Variants in ZNF93 observed in about 807,000 individuals in gnomAD.
The protein encoded by ZNF93 is zinc finger protein 93.
Under a neutral mutation model 45.0 loss-of-function variants are expected in ZNF93, and 29 were observed. The observed-to-expected ratio is 0.64, with a 90% CI of 0.48 to 0.88. The LOEUF (loss-of-function observed/expected upper bound fraction) is 0.88. Among genes scored for constraint, ZNF93 ranks in the 40% least tolerant of loss-of-function variants. The probability of loss-of-function intolerance (pLI) is 0.00; values close to 1 mark genes in which losing one functional copy is unlikely to be tolerated. For missense variants in ZNF93, 578 were observed against 724.0 expected (o/e 0.80, Z 2.31); for synonymous variants, 223 against 244.6 (o/e 0.91, Z 0.82).
rs1327918434 is a variant in ZNF93 at position 19,901,084 on chromosome 19, T to C, written c.-5T>C. On this transcript the variant is annotated 5_prime_UTR_variant, in exon 1 of 4. Coordinates refer to ENST00000343769, the MANE Select transcript of ZNF93 (RefSeq NM_031218.4). ...TAAGACACCAGGACCCCTGGAAGCC[T>C]AGAAATGGTGAGAGTGCCGGTCCGA... is the stretch of plus-strand genomic sequence containing the variant. 1.2e-6 allele frequency: 2 copies of C among 1,613,168 alleles called. No individual in the cohort carries two copies. Among genetic ancestry groups the C allele is most frequent in the Non-Finnish European group, 1.7e-6 (2 of 1,179,588 alleles).
intron 1 of ZNF93, among the ~76,000 whole-genome samples, chr19:19,909,833 C>T (rs1038159580): frequency 6.6e-6 from 1 of 152,222 alleles, no homozygotes; most frequent in African/African-American, 2.4e-5. Flanking sequence ...CCCATACTTG[C>T]GCAGCAAAAT....
chr19:19,921,800 A>G (rs1407236059), intron 3 of ZNF93, among the ~76,000 whole-genome samples: 1 of 151,654 alleles, frequency 6.6e-6, no homozygotes, highest in Non-Finnish European at 1.5e-5. Context: ...TGCTTGGTAG[A>G]TCTTCCTCCA....
At chr19:19,924,293 G>A (rs2063350192) in intron 3 of ZNF93, among the ~76,000 whole-genome samples, 1 of 152,100 alleles carries the variant, frequency 6.6e-6, no homozygotes, top group Admixed American at 6.6e-5. Flanking sequence ...GTTTCACCAT[G>A]TTGGTAAGGC....
chr19:19,923,016 T>A (rs2063346209), intron 3 of ZNF93, among the ~76,000 whole-genome samples: 1 of 152,180 alleles, frequency 6.6e-6, no homozygotes, highest in African/African-American at 2.4e-5. Context: ...GCACTCTGAT[T>A]TTTATAATTT....
At chr19:19,915,429 A>G in intron 2 of ZNF93, 23 bp downstream of exon 2, 1 of 1,605,832 alleles carries the variant, frequency 6.2e-7, no homozygotes, top group Non-Finnish European at 8.5e-7. Context: ...TTAATACATA[A>G]TTCATAATAC....
chr19:19,930,766 CAACT>C (rs1347865863), intron 3 of ZNF93, among the ~76,000 whole-genome samples: 1 of 152,030 alleles, frequency 6.6e-6, no homozygotes, highest in African/African-American at 2.4e-5. Flanking sequence ...TAATTGCTAC[CAACT>C]AATGATTAAT....
rs760412805 is a variant in ZNF93 at position 19,916,625 on chromosome 19, A to C, written c.196A>C (p.Lys66Gln). Residue 66 changes from lysine to glutamine, a missense_variant, in exon 3 of 4, where the codon AAG becomes CAG. Transcript: ENST00000343769. ...LEQGKKPLTM[K>Q]RHEMVANPSV... ...GCAAGGAAAAAAACCTTTGACTATG[A>C]AGAGACATGAGATGGTAGCCAACCC... 35 of 1,612,042 alleles carry C rather than the reference A, an allele frequency of 2.2e-5. No homozygotes were observed. The highest frequency in any genetic ancestry group is 2.5e-5 in the Non-Finnish European group (29 of 1,179,320).
chr19:19,906,333 T>C (rs569939809), intron 1 of ZNF93, among the ~76,000 whole-genome samples: 1 of 152,356 alleles, frequency 6.6e-6, no homozygotes, highest in East Asian at 1.9e-4. Flanking sequence ...TATGCCTGCT[T>C]TTGAAAAGCA....
At chr19:19,924,901 G>A (rs564135465) in intron 3 of ZNF93, among the ~76,000 whole-genome samples, 15 of 152,286 alleles carry the variant, frequency 9.8e-5, no homozygotes, top group Admixed American at 8.5e-4. Context: ...CAACTGTGTG[G>A]ATTTCTATGT....
chr19:19,912,370 T>C (rs2063311230), intron 1 of ZNF93, among the ~76,000 whole-genome samples: 1 of 152,206 alleles, frequency 6.6e-6, no homozygotes, highest in African/African-American at 2.4e-5. Flanking sequence ...CCCTGGAGTA[T>C]TGCCTCACAG....
rs547514711 is a variant in ZNF93, at chr19:19,929,710, G to T, written c.227-3472G>T. Among the ~76,000 whole-genome samples, 9 of 151,768 alleles carry T rather than the reference G, an allele frequency of 5.9e-5. No homozygotes were observed. In the East Asian group the frequency reaches 1.8e-3, roughly 30 times the overall value. On this transcript the variant is annotated intron_variant, in intron 3 of 3. Coordinates refer to ENST00000343769, the MANE Select transcript of ZNF93 (RefSeq NM_031218.4). ...TCCCAGCACTTTGGGAGGCCGAGGC[G>T]GGCGGATCACGAGGTCAGGAGATCG... is the stretch of plus-strand genomic sequence containing the variant.
rs1401153403 is a variant in ZNF93 at position 19,933,263 on chromosome 19, A to G, written c.308A>G (p.Tyr103Cys). The G allele has an allele frequency of 6.2e-7, 1 of 1,611,938 alleles. No homozygotes were observed. Among genetic ancestry groups the G allele is most frequent in the African/African-American group, 1.3e-5 (1 of 74,870 alleles). Residue 103 changes from tyrosine to cysteine, a missense_variant, in exon 4 of 4, where the codon TAT becomes TGT. Tyr to Cys is a radical substitution (Grantham distance 194). This residue lies in a region of ZNF93 where 446 missense variants were observed against 547.6 expected (regional missense o/e 0.81). Transcript: ENST00000343769. ...TTCCAAAAAGTGATACTGAGAAGATATGAAAAACGTGGACATGGAAATTTA... is the reference window on the plus strand; with the variant it reads ...TTCCAAAAAGTGATACTGAGAAGATGTGAAAAACGTGGACATGGAAATTTA... Reference protein sequence around the residue: ...DSFQKVILRRYEKRGHGNLQL... With the variant: ...DSFQKVILRRCEKRGHGNLQL...
chr19:19,925,414 T>C (rs1182517896), intron 3 of ZNF93, among the ~76,000 whole-genome samples: 2 of 152,198 alleles, frequency 1.3e-5, no homozygotes, highest in African/African-American at 4.8e-5. Context: ...CCTGGTTTTC[T>C]CATAAAGGCA....
chr19:19,911,505 T>C (rs961172867), intron 1 of ZNF93, among the ~76,000 whole-genome samples: 9 of 152,156 alleles, frequency 5.9e-5, no homozygotes, highest in African/African-American at 2.2e-4. Context: ...GAGACCCAGA[T>C]AGATAAACTA....
intron 1 of ZNF93, chr19:19,914,847 A>G (rs1599568329): frequency 4.5e-5 from 16 of 354,446 alleles, no homozygotes; most frequent in Middle Eastern, 9.7e-4. Context: ...AATTCAAAAA[A>G]TCAGACTTCA....
At chr19:19,906,152 G>A (rs917193279) in intron 1 of ZNF93, among the ~76,000 whole-genome samples, 9 of 151,556 alleles carry the variant, frequency 5.9e-5, no homozygotes, top group African/African-American at 2.0e-4. Flanking sequence ...CACCAGCGGA[G>A]TATAAGCATC....
chr19:19,908,417 C>T (rs1279940883), intron 1 of ZNF93: 1 of 152,184 alleles, frequency 6.6e-6, no homozygotes, highest in African/African-American at 2.4e-5. Flanking sequence ...TCATGTTTCT[C>T]ATACTGAGAG....
intron 1 of ZNF93, among the ~76,000 whole-genome samples, chr19:19,911,792 T>C (rs2063309308): frequency 2.0e-5 from 3 of 151,914 alleles, no homozygotes; most frequent in Admixed American, 2.0e-4. Context: ...CTCTGTCACC[T>C]GGTCTGGCTT....
At chr19:19,924,211 C>T (rs1282987462) in intron 3 of ZNF93, among the ~76,000 whole-genome samples, 4 of 152,058 alleles carry the variant, frequency 2.6e-5, no homozygotes. Flanking sequence ...CCTCAGCCTC[C>T]AGAGTAGCTT....
Sources: allele counts gnomAD v4.1 joint callset (sites outside exome capture counted in the v4.1 genomes callset), GRCh38; gene constraint gnomAD v4.1.1; regional missense constraint gnomAD v4.1.1; transcripts MANE v1.5; gene names NCBI Gene and HGNC (gene_info 2026-07-23, HGNC 2026-07-21).